Variants in NTN5 observed in about 807,000 individuals in gnomAD.
NTN5 encodes the protein netrin-5.
Under a neutral mutation model 38.7 loss-of-function variants are expected in NTN5, and 42 were observed. That is an observed-to-expected ratio of 1.08 (90% CI 0.85 to 1.40). The LOEUF (loss-of-function observed/expected upper bound fraction) is 1.40. Ranked by LOEUF, NTN5 falls within the 40% of genes most tolerant of loss-of-function variation. The pLI is 0.00. For synonymous variants in NTN5, 329 were observed against 303.9 expected, an observed-to-expected ratio of 1.08 and a Z score of -0.86; for missense variants, 658 against 716.5, an observed-to-expected ratio of 0.92 and a Z score of 0.93.
intron 2 of NTN5, among the ~76,000 whole-genome samples, chr19:48,665,662 T>C (rs530827387): frequency 6.6e-6 from 1 of 151,654 alleles, no homozygotes; most frequent in Non-Finnish European, 1.5e-5. Flanking sequence ...CTACTAAAAA[T>C]ACAAAAATTA....
In NTN5 at chr19:48,661,460, G is replaced by T; in HGVS notation, c.*217C>A. The T allele has an allele frequency of 4.3e-6, 2 of 467,516 alleles. No homozygotes were observed. The highest frequency in any genetic ancestry group is 7.1e-6 in the Non-Finnish European group (2 of 280,894). 29.0% of individuals were successfully genotyped at this position (467,516 alleles called of 1,614,324 possible). ...GAAACAGATCACTGGCGGGGAATAA[G>T]CCACAGGCCAAAGGAGGAAATGTTG... On this transcript the variant is annotated 3_prime_UTR_variant, in exon 7 of 7. Coordinates refer to ENST00000270235, the MANE Select transcript of NTN5 (RefSeq NM_145807.4).
rs878887770 is a variant in NTN5, at chr19:48,670,549, G to A, written c.438C>T (p.Ala146=). 18 of 1,518,396 alleles carry A rather than the reference G, an allele frequency of 1.2e-5. No homozygotes were observed. Among genetic ancestry groups the A allele is most frequent in the South Asian group, 8.8e-5 (7 of 79,578 alleles). 94.1% of individuals were successfully genotyped at this position (1,518,396 alleles called of 1,614,324 possible). The part of the protein sequence containing the change: ...SHLRVEFGGQ[A]GLAAAGLRGR... ...CTCTCAGCCCAGCTGCCGCTAGCCCGGCCTGGCCCCCAAACTCCACACGGA... is the reference window on the plus strand; with the variant it reads ...CTCTCAGCCCAGCTGCCGCTAGCCCAGCCTGGCCCCCAAACTCCACACGGA... Residue 146 remains alanine, a synonymous_variant, in exon 2 of 7, where the codon GCC becomes GCT. Transcript: ENST00000270235.
At chr19:48,669,697 T>TCACCACCAC (rs1568452424) in intron 2 of NTN5, among the ~76,000 whole-genome samples, 7 of 17,006 alleles carry the variant, frequency 4.1e-4, no homozygotes, top group Admixed American at 3.9e-3. Context: ...ACCACCACCA[T>TCACCACCAC]CATCACCATC....
intron 2 of NTN5, among the ~76,000 whole-genome samples, chr19:48,668,574 G>A (rs1464227735): frequency 6.6e-6 from 1 of 152,100 alleles, no homozygotes; most frequent in African/African-American, 2.4e-5. Flanking sequence ...TCTGCCACGT[G>A]GTGTGACAGT....
chr19:48,663,693 T>C, intron 5 of NTN5, 68 bp downstream of exon 5: 1 of 1,550,476 alleles, frequency 6.4e-7, no homozygotes. Context: ...TATCCCCATC[T>C]GGGGACCCAG....
intron 2 of NTN5, 136 bp downstream of exon 2, chr19:48,670,220 G>T: frequency 3.3e-6 from 3 of 901,840 alleles, no homozygotes; most frequent in Non-Finnish European, 4.6e-6. Flanking sequence ...GGTATGAGGG[G>T]ACCGAGTCTG....
rs1257663043 is a variant in NTN5 at position 48,661,783 on chromosome 19, C to CA, written c.1363dup (p.Trp455LeufsTer56). 1.1e-4 allele frequency: 160 copies of CA among 1,407,284 alleles called. No individual in the cohort carries two copies. Among genetic ancestry groups the CA allele is most frequent in the Non-Finnish European group, 1.4e-4 (158 of 1,090,484 alleles). The allele number at this position is 1,407,284 out of a possible 1,614,324, so 87.2% of individuals were successfully genotyped here. A position where few individuals can be genotyped will look rare whatever the true frequency, so the allele number is the denominator to read the frequency against. ...CAGGGGCCGGGCCCAGCGCGGCCTC[C>CA]ATGGCAGCGCGAGGCCGTGGCGGTC... On this transcript the variant is annotated frameshift_variant, in exon 7 of 7. Transcript: ENST00000270235. LOFTEE classifies it low-confidence loss of function (END_TRUNC).
At chr19:48,662,346 T>G in intron 6 of NTN5, 1 of 251,778 alleles carries the variant, frequency 4.0e-6, no homozygotes, top group Non-Finnish European at 7.6e-6. Flanking sequence ...GTGGAATTCT[T>G]GGGAAGGAGG....
intron 2 of NTN5, among the ~76,000 whole-genome samples, chr19:48,669,655 A>C (rs1282640284): frequency 8.9e-3 from 111 of 12,412 alleles, no homozygotes; most frequent in East Asian, 0.015. Flanking sequence ...ACCACCACCA[A>C]CACCACCACC....
In NTN5 at chr19:48,661,537, C is replaced by T. The variant is rs951522710; in HGVS notation, c.*140G>A. On this transcript the variant is annotated 3_prime_UTR_variant, in exon 7 of 7. Transcript: ENST00000270235. ...TTGCTAAAAGTTCCGCACGCCTGCTCGGCGTGGGCGCAAGCATAGTGTCGT... is the reference window on the plus strand; with the variant it reads ...TTGCTAAAAGTTCCGCACGCCTGCTTGGCGTGGGCGCAAGCATAGTGTCGT... The T allele has an allele frequency of 1.2e-5, 13 of 1,063,152 alleles. No individual in the cohort carries two copies. The highest frequency in any genetic ancestry group is 3.5e-5 in the East Asian group (1 of 28,606). 65.9% of individuals were successfully genotyped at this position (1,063,152 alleles called of 1,614,324 possible). A position where few individuals can be genotyped will look rare whatever the true frequency, so the allele number is the denominator to read the frequency against.
In NTN5 at chr19:48,670,402, G is replaced by A; in HGVS notation, c.585C>T (p.Asp195=). The change falls in exon 2 of 7, where the codon GAC becomes GAT. Residue 195 remains aspartate (D), a synonymous_variant. Coordinates refer to ENST00000270235, the MANE Select transcript of NTN5 (RefSeq NM_145807.4). ...GCESCRPSHR[D]WPWRPATPRH... Reference sequence around the variant, plus strand: ...GGGGCGTGGCAGGCCGCCAGGGCCAGTCTCGATGGGACGGGCGGCAGCTCT... The same window carrying A: ...GGGGCGTGGCAGGCCGCCAGGGCCAATCTCGATGGGACGGGCGGCAGCTCT... The A allele has an allele frequency of 4.2e-6, 6 of 1,431,702 alleles. No individual in the cohort carries two copies. The highest frequency in any genetic ancestry group is 5.5e-6 in the Non-Finnish European group (6 of 1,094,200). 88.7% of individuals were successfully genotyped at this position (1,431,702 alleles called of 1,614,324 possible).
chr19:48,668,262 C>G (rs1195605162), intron 2 of NTN5, among the ~76,000 whole-genome samples: 1 of 152,200 alleles, frequency 6.6e-6, no homozygotes, highest in Non-Finnish European at 1.5e-5. Flanking sequence ...CTCTTTGAGC[C>G]TCACCTTCCT....
intron 6 of NTN5, chr19:48,662,986 G>C (rs2031588475): frequency 3.0e-6 from 1 of 328,008 alleles, no homozygotes; most frequent in Admixed American, 3.9e-5. Flanking sequence ...TGTCTTAAGA[G>C]AGCTGAATAG....
intron 2 of NTN5, among the ~76,000 whole-genome samples, chr19:48,669,567 TCACCACCATCACCACCAC>T (rs2031846737): frequency 3.9e-4 from 1 of 2,562 alleles, no homozygotes; most frequent in African/African-American, 2.4e-3. Context: ...ACCACCACCA[TCACCACCATCACCACCAC>T]GACCACCATC....
chr19:48,670,373 T>G lies in NTN5; in HGVS notation c.614A>C (p.His205Pro). 7.1e-7 allele frequency: 1 copy of G among 1,411,026 alleles called. No individual in the cohort carries two copies. The highest frequency in any genetic ancestry group is 2.8e-5 in the East Asian group (1 of 35,502). 87.4% of individuals were successfully genotyped at this position (1,411,026 alleles called of 1,614,324 possible). ...DWPWRPATPR[H>P]PHPCLPCSCN... ...GGACTCACGTAGGCAAGGGTGGGGG[T>G]GCCGGGGCGTGGCAGGCCGCCAGGG... Residue 205 changes from histidine to proline, a missense_variant, in exon 2 of 7, where the codon CAC becomes CCC. By Grantham distance (77) the His-to-Pro change is moderately conservative (BLOSUM62 -2). Coordinates refer to ENST00000270235, the MANE Select transcript of NTN5 (RefSeq NM_145807.4).
chr19:48,661,696 C>T lies in NTN5; in HGVS notation c.1451G>A (p.Ser484Asn), dbSNP rs199848394. The T allele has an allele frequency of 8.4e-6, 13 of 1,556,484 alleles. No homozygotes were observed. In the East Asian group the frequency reaches 3.2e-4, roughly 39 times the overall value. Residue 484 changes from serine to asparagine, a missense_variant, in exon 7 of 7, where the codon AGT becomes AAT. Physicochemically the swap from Ser to Asn is conservative, Grantham distance 46. Transcript: ENST00000270235. ...GCRGVRAPTP[S>N]PRPEH Reference sequence around the variant, plus strand: ...TCACGTCTAGTGCTCCGGCCTGGGACTGGGTGTGGGTGCCCGCACGCCGCG... The same window carrying T: ...TCACGTCTAGTGCTCCGGCCTGGGATTGGGTGTGGGTGCCCGCACGCCGCG...
At chr19:48,671,059 C>T in intron 1 of NTN5, 53 bp from the exon 2 acceptor site, 2 of 1,362,688 alleles carry the variant, frequency 1.5e-6, no homozygotes, top group East Asian at 2.6e-5. Context: ...GCCTCTACCC[C>T]TCCTGGAGGT....
At position 48,669,891 on chromosome 19, in the gene NTN5, T is replaced by TCACCAC. The variant is rs796936247; in HGVS notation, c.631+459_631+464dup. On this transcript the variant is annotated intron_variant, in intron 2 of 6. Coordinates refer to ENST00000270235, the MANE Select transcript of NTN5 (RefSeq NM_145807.4). The stretch of plus-strand genomic sequence containing the variant: ...ACCATCATCACCACTACCATCACCA[T>TCACCAC]CACCACCACCATCACCACCACCACC... Among the ~76,000 whole-genome samples, 243 of 51,690 alleles carry TCACCAC rather than the reference T, an allele frequency of 4.7e-3. 6 individuals carry two copies. The highest frequency in any genetic ancestry group is 0.041 in the Admixed American group (220 of 5,416). The allele number at this position is 51,690 out of a possible 152,430, so 33.9% of individuals were successfully genotyped here.
intron 1 of NTN5, 24 bp from the exon 2 acceptor site, chr19:48,671,030 G>A: frequency 6.8e-7 from 1 of 1,466,210 alleles, no homozygotes; most frequent in Non-Finnish European, 9.0e-7. Flanking sequence ...AGGTGGCTGG[G>A]CTGGGGATCT....
Sources: gnomAD v4.1 joint callset for allele counts (sites outside exome capture counted in the v4.1 genomes callset) on GRCh38, gnomAD v4.1.1 for gene constraint, MANE v1.5 for transcripts, NCBI Gene and HGNC (gene_info 2026-07-23, HGNC 2026-07-21) for gene names.